The following FRMD4A variants were observed in gnomAD, a reference collection of about 807,000 sequenced individuals.
The protein encoded by FRMD4A is FERM domain containing 4A.
A neutral mutation model predicts 129.1 loss-of-function variants in FRMD4A; 29 were observed. The ratio of observed to expected loss-of-function variants is 0.22; its 90% CI spans 0.17 to 0.31. The LOEUF (loss-of-function observed/expected upper bound fraction) is 0.31, where lower values mean the gene tolerates loss of function less well. Ranked by LOEUF, FRMD4A falls within the 10% of genes least tolerant of loss-of-function variation. The pLI is 1.00. For synonymous variants in FRMD4A, 634 were observed against 571.6 expected, an observed-to-expected ratio of 1.11 and a Z score of -1.56; for missense variants, 1,272 against 1,375.8, an observed-to-expected ratio of 0.92 and a Z score of 1.19.
chr10:14,288,074 C>T (rs1038279973), intron 2 of FRMD4A, among the ~76,000 whole-genome samples: 1 of 152,062 alleles, frequency 6.6e-6, no homozygotes, highest in African/African-American at 2.4e-5. Flanking sequence ...AAGACACTGG[C>T]CCTGAGAAGA....
chr10:14,127,940 TTC>T (rs1402411389), intron 2 of FRMD4A, among the ~76,000 whole-genome samples: 1 of 12,212 alleles, frequency 8.2e-5, no homozygotes, highest in African/African-American at 5.7e-4. Context: ...CTTTCTTTCT[TTC>T]TTTCTTTCTT....
At chr10:13,832,528 T>C (rs1043147951) in intron 3 of FRMD4A, among the ~76,000 whole-genome samples, 7 of 152,094 alleles carry the variant, frequency 4.6e-5, no homozygotes, top group Non-Finnish European at 8.8e-5. Flanking sequence ...TGGTCTTGGG[T>C]GGGTCGAGGA....
chr10:13,685,445 G>A, intron 15 of FRMD4A: 1 of 984,876 alleles, frequency 1.0e-6, no homozygotes, highest in Non-Finnish European at 1.2e-6. Flanking sequence ...ACTATGGTTT[G>A]TAAATCCTAC....
chr10:14,004,096 T>G (rs1239493636), intron 2 of FRMD4A, among the ~76,000 whole-genome samples: 3 of 152,332 alleles, frequency 2.0e-5, no homozygotes, highest in East Asian at 3.9e-4. Context: ...AATTTTGTTT[T>G]CCACGTGTCT....
At chr10:14,119,300 C>T (rs1838369536) in intron 2 of FRMD4A, among the ~76,000 whole-genome samples, 1 of 152,174 alleles carries the variant, frequency 6.6e-6, no homozygotes. Context: ...GTGAGCGGTT[C>T]ATATGCTCAA....
At chr10:13,956,895 G>A (rs867963851) in intron 2 of FRMD4A, among the ~76,000 whole-genome samples, 4 of 152,184 alleles carry the variant, frequency 2.6e-5, no homozygotes, top group East Asian at 1.9e-4. Flanking sequence ...AAGTGTAGAC[G>A]TTGAGCATTT....
chr10:14,232,237 T>A (rs1399600830), intron 2 of FRMD4A, among the ~76,000 whole-genome samples: 1 of 152,200 alleles, frequency 6.6e-6, no homozygotes, highest in Non-Finnish European at 1.5e-5. Flanking sequence ...ATTGGATGGT[T>A]GTACATTTGC....
intron 12 of FRMD4A, among the ~76,000 whole-genome samples, chr10:13,727,082 A>G (rs1040629493): frequency 6.6e-6 from 1 of 151,106 alleles, no homozygotes; most frequent in Non-Finnish European, 1.5e-5. Context: ...TTGTATTTTT[A>G]GTAGAGACGG....
At chr10:14,037,821 A>G (rs11258812) in intron 2 of FRMD4A, among the ~76,000 whole-genome samples, 36,098 of 152,088 alleles carry the variant, frequency 0.24, 4,503 homozygotes, top group African/African-American at 0.3. Flanking sequence ...AAAAAATGGC[A>G]TCTCATTTTT....
At chr10:14,052,323 A>C (rs887565928) in intron 2 of FRMD4A, among the ~76,000 whole-genome samples, 4 of 152,224 alleles carry the variant, frequency 2.6e-5, no homozygotes, top group African/African-American at 9.6e-5. Flanking sequence ...AAGCTCATAC[A>C]CACAGCTGTA....
At chr10:14,271,757 G>A (rs1056896771) in intron 2 of FRMD4A, among the ~76,000 whole-genome samples, 1 of 152,100 alleles carries the variant, frequency 6.6e-6, no homozygotes, top group African/African-American at 2.4e-5. Flanking sequence ...AAAGCTCACT[G>A]GGAAGTCAGG....
intron 8 of FRMD4A, among the ~76,000 whole-genome samples, chr10:13,749,153 AT>A (rs2091441898): frequency 6.6e-6 from 1 of 152,120 alleles, no homozygotes; most frequent in Admixed American, 6.5e-5. Flanking sequence ...GCGTTTCCCT[AT>A]CCTGGTCCAC....
intron 2 of FRMD4A, among the ~76,000 whole-genome samples, chr10:13,936,555 C>T (rs1457205117): frequency 6.6e-6 from 1 of 152,168 alleles, no homozygotes; most frequent in East Asian, 1.9e-4. Context: ...CCCAGAATCT[C>T]CCTCACCCCT....
intron 2 of FRMD4A, among the ~76,000 whole-genome samples, chr10:14,066,326 G>C (rs933262303): frequency 6.6e-6 from 1 of 151,386 alleles, no homozygotes; most frequent in East Asian, 1.9e-4. Context: ...GTGGGGGGTG[G>C]TCCCTGTTGT....
chr10:14,185,469 A>G (rs192455582), intron 2 of FRMD4A, among the ~76,000 whole-genome samples: 6 of 152,372 alleles, frequency 3.9e-5, no homozygotes, highest in African/African-American at 7.2e-5. Flanking sequence ...AGTACAAAAA[A>G]CATTACAACA....
At chr10:13,664,884 TTTTG>T (rs919877593) in intron 18 of FRMD4A, among the ~76,000 whole-genome samples, 15 of 152,030 alleles carry the variant, frequency 9.9e-5, no homozygotes, top group African/African-American at 2.9e-4. Flanking sequence ...TTAACTATTT[TTTTG>T]TTTGTTTGTT....
chr10:13,754,347 T>G (rs2091766373), intron 8 of FRMD4A, among the ~76,000 whole-genome samples: 1 of 152,064 alleles, frequency 6.6e-6, no homozygotes, highest in South Asian at 2.1e-4. Flanking sequence ...AAAATGTGAA[T>G]TACACACTTG....
At chr10:14,207,989 T>G (rs117211353) in intron 2 of FRMD4A, among the ~76,000 whole-genome samples, 2,130 of 152,072 alleles carry the variant, frequency 0.014, 26 homozygotes, top group Non-Finnish European at 0.022. Flanking sequence ...TCGCTTGAAC[T>G]TAGGAGTTCA....
At chr10:13,963,543 T>C (rs367778332) in intron 2 of FRMD4A, among the ~76,000 whole-genome samples, 2 of 152,182 alleles carry the variant, frequency 1.3e-5, no homozygotes, top group Admixed American at 6.5e-5. Flanking sequence ...AAACGAATCA[T>C]TGAAAACCCA....
Sources: allele counts gnomAD v4.1 joint callset (sites outside exome capture counted in the v4.1 genomes callset), GRCh38; gene constraint gnomAD v4.1.1; transcripts MANE v1.5; gene names NCBI Gene and HGNC (gene_info 2026-07-23, HGNC 2026-07-21).